The following DCP1B variants were observed in gnomAD, a reference collection of about 807,000 sequenced individuals.
The protein encoded by DCP1B is mRNA-decapping enzyme 1B.
In DCP1B, 47 loss-of-function variants were observed where a neutral mutation model predicts 60.5. That is an observed-to-expected ratio of 0.78 (90% CI 0.61 to 0.99). The LOEUF (loss-of-function observed/expected upper bound fraction) is 0.99. Ranked by LOEUF, DCP1B falls within the 50% of genes least tolerant of loss-of-function variation. The pLI is 0.00. For synonymous variants in DCP1B, 267 were observed against 280.3 expected (o/e 0.95, Z 0.47); for missense variants, 725 against 756.8 (o/e 0.96, Z 0.49).
rs143435646 is a variant in DCP1B at position 1,971,038 on chromosome 12, A to G, written c.320-3128T>C. ...ATTATTTAGCTTTAAAAATCAACCA[A>G]TTAATATACATCTGGAAATTCACAA... On this transcript the variant is annotated intron_variant, in intron 3 of 8. Transcript: ENST00000280665. This position sits in a 1 kb window ranked among gnomAD's most constrained non-coding sequence, Gnocchi z 4.2. 2.8e-5 allele frequency: 35 copies of G among 1,272,652 alleles called. No individual in the cohort carries two copies. In the African/African-American group the frequency reaches 4.6e-4, roughly 17 times the overall value. 78.8% of individuals were successfully genotyped at this position (1,272,652 alleles called of 1,614,324 possible).
downstream of DCP1B, chr12:1,945,996 T>C (rs781328707): frequency 1.3e-4 from 52 of 401,754 alleles, no homozygotes; most frequent in Non-Finnish European, 2.2e-4. Context: ...CAAACCTGCA[T>C]GTTCTGTACA....
At chr12:1,945,702 C>T (rs755510996), downstream of DCP1B, among the ~76,000 whole-genome samples, 2 of 152,146 alleles carry the variant, frequency 1.3e-5, no homozygotes, top group Non-Finnish European at 2.9e-5. Context: ...ACTATGCAGC[C>T]ATAAAAAAGA....
chr12:1,999,588 T>C (rs1384874562), intron 1 of DCP1B, among the ~76,000 whole-genome samples: 1 of 151,894 alleles, frequency 6.6e-6, no homozygotes, highest in Non-Finnish European at 1.5e-5. Context: ...TAGCCAGGTG[T>C]GGTGGCACAT....
chr12:1,945,738 A>G (rs146732053), downstream of DCP1B, among the ~76,000 whole-genome samples: 4,144 of 152,320 alleles, frequency 0.027, 92 homozygotes, highest in Middle Eastern at 0.058. Flanking sequence ...TTGCAGGGGC[A>G]TGGATGAAGC....
chr12:1,994,234 TAC>T (rs2154475314), intron 2 of DCP1B, among the ~76,000 whole-genome samples: 1 of 152,340 alleles, frequency 6.6e-6, no homozygotes, highest in South Asian at 2.1e-4. Flanking sequence ...ACCACATACT[TAC>T]ACACTGAAGC....
chr12:1,965,981 CT>C (rs961201250), intron 4 of DCP1B: 1 of 310,334 alleles, frequency 3.2e-6, no homozygotes, highest in African/African-American at 2.2e-5. Context: ...AGCCATGCTC[CT>C]TTGTTTACAT....
chr12:1,991,546 T>C (rs2039420044), intron 3 of DCP1B: 1 of 247,778 alleles, frequency 4.0e-6, no homozygotes, highest in Non-Finnish European at 7.9e-6. Context: ...ATTGAGGTTT[T>C]TTCCTTTTTT....
chr12:1,973,095 C>T (rs1050526055), intron 3 of DCP1B, among the ~76,000 whole-genome samples: 1 of 152,210 alleles, frequency 6.6e-6, no homozygotes, highest in South Asian at 2.1e-4. Flanking sequence ...CTTCCATTCA[C>T]CTTCTGCGTT....
chr12:1,987,552 A>G (rs943845486), intron 3 of DCP1B, among the ~76,000 whole-genome samples: 1 of 152,172 alleles, frequency 6.6e-6, no homozygotes, highest in African/African-American at 2.4e-5. Flanking sequence ...AAGCAATTTA[A>G]ATTACATCTA....
intron 3 of DCP1B, among the ~76,000 whole-genome samples, chr12:1,986,004 G>A (rs1476419043): frequency 1.3e-5 from 2 of 152,042 alleles, no homozygotes; most frequent in Admixed American, 6.5e-5. Context: ...TAGTAGAGAT[G>A]GAGTTTCACC....
intron 1 of DCP1B, 84 bp downstream of exon 1, chr12:2,004,198 C>T: frequency 6.4e-7 from 1 of 1,567,716 alleles, no homozygotes; most frequent in East Asian, 2.3e-5. Context: ...TCCTCCCCCT[C>T]ACCGGGTCCT....
At chr12:1,986,355 T>C (rs1365919494) in intron 3 of DCP1B, among the ~76,000 whole-genome samples, 1 of 152,178 alleles carries the variant, frequency 6.6e-6, no homozygotes, top group Non-Finnish European at 1.5e-5. Context: ...GGGGCCTTTT[T>C]CCCCAGTCTT....
intron 7 of DCP1B, chr12:1,950,019 C>A: frequency 3.0e-6 from 1 of 332,894 alleles, no homozygotes; most frequent in East Asian, 5.0e-5. Context: ...TTCAGTTATG[C>A]AAGTGACATT....
At chr12:1,978,389 TAACC>T (rs1334294928) in intron 3 of DCP1B, among the ~76,000 whole-genome samples, 2 of 152,228 alleles carry the variant, frequency 1.3e-5, no homozygotes, top group Admixed American at 6.5e-5. Context: ...TGTAATATTC[TAACC>T]AACACAGCAG....
intron 7 of DCP1B, 113 bp from the exon 8 acceptor site, chr12:1,949,447 C>A: frequency 6.9e-7 from 1 of 1,456,500 alleles, no homozygotes; most frequent in Non-Finnish European, 9.3e-7. Flanking sequence ...GCTTTCCTAG[C>A]TGAGAAAAGT....
intron 1 of DCP1B, among the ~76,000 whole-genome samples, chr12:2,003,060 GA>G (rs1348477931): frequency 6.6e-6 from 1 of 152,140 alleles, no homozygotes; most frequent in African/African-American, 2.4e-5. Context: ...TGGCTACTAG[GA>G]GAGCAGACCT....
intron 3 of DCP1B, among the ~76,000 whole-genome samples, chr12:1,969,309 T>C (rs2031658121): frequency 6.6e-6 from 1 of 152,222 alleles, no homozygotes; most frequent in Non-Finnish European, 1.5e-5. Flanking sequence ...AGTGCTATTT[T>C]AAGCAGGTAT....
chr12:2,004,055 TAG>T, intron 1 of DCP1B: 1 of 623,052 alleles, frequency 1.6e-6, no homozygotes, highest in Non-Finnish European at 2.8e-6. Context: ...TTGGGTACGT[TAG>T]AGATTTAAGT....
intron 3 of DCP1B, among the ~76,000 whole-genome samples, chr12:1,972,440 C>A (rs987691852): frequency 2.6e-5 from 4 of 152,106 alleles, no homozygotes; most frequent in Non-Finnish European, 5.9e-5. Context: ...TGGTAGTACA[C>A]ATGCACACAC....
Sources: allele counts gnomAD v4.1 joint callset (sites outside exome capture counted in the v4.1 genomes callset), GRCh38; gene constraint gnomAD v4.1.1; non-coding constraint Gnocchi (gnomAD v3.1); transcripts MANE v1.5; gene names NCBI Gene and HGNC (gene_info 2026-07-23, HGNC 2026-07-21).